The following CNTLN variants were observed in gnomAD, a reference collection of about 807,000 sequenced individuals.
CNTLN encodes the protein centlein.
CNTLN carries 212 observed loss-of-function variants against 180.0 expected under a neutral mutation model. The observed-to-expected ratio is 1.18, with a 90% confidence interval of 1.05 to 1.32. CNTLN has a LOEUF of 1.32. Ranked by LOEUF, CNTLN falls within the 40% of genes most tolerant of loss-of-function variation. The probability of loss-of-function intolerance (pLI) is 0.00; values close to 1 mark genes in which losing one functional copy is unlikely to be tolerated. For missense variants in CNTLN, 2,095 were observed against 1,610.9 expected (o/e 1.30, Z -5.14); for synonymous variants, 722 against 563.1 (o/e 1.28, Z -3.99).
intron 18 of CNTLN, among the ~76,000 whole-genome samples, chr9:17,442,839 A>T (rs568058992): frequency 1.3e-5 from 2 of 152,232 alleles, no homozygotes; most frequent in African/African-American, 4.8e-5. Context: ...AGGGAAGTTT[A>T]TGTACTGTAC....
chr9:17,213,373 A>C (rs1823477376), intron 2 of CNTLN, among the ~76,000 whole-genome samples: 1 of 152,114 alleles, frequency 6.6e-6, no homozygotes, highest in Non-Finnish European at 1.5e-5. Flanking sequence ...GTTTTGAGTG[A>C]GTTTCTTAAT....
chr9:17,298,045 T>G (rs1818072837), intron 6 of CNTLN, 145 bp from the exon 7 acceptor site: 2 of 504,502 alleles, frequency 4.0e-6, no homozygotes, highest in East Asian at 6.8e-5. Context: ...AAATATGTCA[T>G]TATTTCTTTT....
In CNTLN at chr9:17,289,874, A is replaced by G. The variant is rs545477065; in HGVS notation, c.984-8316A>G. ...TTCAGCTCCATCAGCTCCTTTAAGC[A>G]CTTCTCTGTATTGGTTATTCTAGGT... On this transcript the variant is annotated intron_variant, in intron 6 of 25. Coordinates refer to ENST00000380647, the MANE Select transcript of CNTLN (RefSeq NM_017738.4). 2.3e-5 allele frequency among the ~76,000 whole-genome samples: 3 copies of G among 132,656 alleles called. No individual in the cohort carries two copies. In the East Asian group the frequency reaches 6.3e-4, roughly 28 times the overall value. 87.0% of individuals were successfully genotyped at this position (132,656 alleles called of 152,430 possible).
At chr9:17,443,043 CA>C (rs985466556) in intron 18 of CNTLN, among the ~76,000 whole-genome samples, 1 of 151,690 alleles carries the variant, frequency 6.6e-6, no homozygotes, top group Non-Finnish European at 1.5e-5. Flanking sequence ...AGGTGTCTAC[CA>C]AAAACCTGAA....
chr9:17,144,991 G>A (rs1158716239), intron 2 of CNTLN, among the ~76,000 whole-genome samples: 9 of 150,750 alleles, frequency 6.0e-5, no homozygotes, highest in Non-Finnish European at 1.0e-4. Context: ...ACAGGCGCCC[G>A]CCACCGCGCC....
At chr9:17,205,683 G>A (rs1822868988) in intron 2 of CNTLN, among the ~76,000 whole-genome samples, 1 of 152,198 alleles carries the variant, frequency 6.6e-6, no homozygotes, top group Admixed American at 6.5e-5. Flanking sequence ...GTAGCAAATG[G>A]CCTTACTACT....
rs1304554552 is a variant in CNTLN, at chr9:17,233,563, T to C, written c.535-2095T>C. ...GAAAAACACTGCTTGGGAGAAATTC[T>C]TGGTCATGAATATTTGCAGTCATGC... On this transcript the variant is annotated intron_variant, in intron 3 of 25. Transcript: ENST00000380647. Among the ~76,000 whole-genome samples the C allele has an allele frequency of 5.9e-5, 9 of 152,286 alleles. No individual in the cohort carries two copies. The East Asian group carries it at 1.5e-3, about 26-fold the overall frequency.
At chr9:17,385,855 G>T (rs999585235) in intron 13 of CNTLN, among the ~76,000 whole-genome samples, 1 of 152,118 alleles carries the variant, frequency 6.6e-6, no homozygotes, top group Non-Finnish European at 1.5e-5. Context: ...CTTGAGCATG[G>T]TTGGATTTAG....
At chr9:17,214,733 T>G (rs2131998464) in intron 2 of CNTLN, among the ~76,000 whole-genome samples, 1 of 152,344 alleles carries the variant, frequency 6.6e-6, no homozygotes, top group Admixed American at 6.5e-5. Flanking sequence ...GTCATGTATT[T>G]CTTGGAGGCT....
chr9:17,509,274 C>T, the CNTLN span, among the ~76,000 whole-genome samples: 1 of 152,130 alleles, frequency 6.6e-6, no homozygotes, highest in African/African-American at 2.4e-5. Flanking sequence ...GATCAGCCAG[C>T]TACCTGGTGG....
At chr9:17,464,686 C>T in intron 21 of CNTLN, 63 bp downstream of exon 21, 1 of 1,022,994 alleles carries the variant, frequency 9.8e-7, no homozygotes, top group South Asian at 1.9e-5. Flanking sequence ...ACTCTCTTAC[C>T]ACAAACATTT....
chr9:17,233,764 T>C (rs548799052), intron 3 of CNTLN, among the ~76,000 whole-genome samples: 27 of 152,274 alleles, frequency 1.8e-4, no homozygotes, highest in African/African-American at 6.5e-4. Context: ...TGGGAACATA[T>C]GTTGAGCAAA....
chr9:17,198,352 C>T (rs1042856267), intron 2 of CNTLN, among the ~76,000 whole-genome samples: 3 of 146,750 alleles, frequency 2.0e-5, no homozygotes, highest in South Asian at 2.1e-4. Context: ...AATATTGATT[C>T]GTCCAATCCA....
At chr9:17,155,213 G>C (rs1287576311) in intron 2 of CNTLN, among the ~76,000 whole-genome samples, 2 of 152,164 alleles carry the variant, frequency 1.3e-5, no homozygotes. Flanking sequence ...TCACCGCGAG[G>C]GTCCGCAGCT....
At chr9:17,474,718 A>T (rs2134256431) in intron 23 of CNTLN, among the ~76,000 whole-genome samples, 1 of 152,096 alleles carries the variant, frequency 6.6e-6, no homozygotes, top group South Asian at 2.1e-4. Flanking sequence ...AAAATACAAA[A>T]TTAGCCAGGC....
At chr9:17,335,157 A>G (rs1178127237) in intron 10 of CNTLN, among the ~76,000 whole-genome samples, 2 of 152,170 alleles carry the variant, frequency 1.3e-5, no homozygotes, top group Non-Finnish European at 2.9e-5. Context: ...ATCCATCCAT[A>G]TTGGGGTTCA....
At chr9:17,378,059 T>G (rs925836179) in intron 13 of CNTLN, among the ~76,000 whole-genome samples, 3 of 152,226 alleles carry the variant, frequency 2.0e-5, no homozygotes, top group Non-Finnish European at 4.4e-5. Context: ...TTATGTTAGA[T>G]TATTTTTTGT....
chr9:17,439,522 G>A (rs1222680981), intron 18 of CNTLN, among the ~76,000 whole-genome samples: 1 of 152,172 alleles, frequency 6.6e-6, no homozygotes, highest in African/African-American at 2.4e-5. Context: ...AAATAACACA[G>A]ATGGAAACTT....
chr9:17,192,147 T>C (rs1308741575), intron 2 of CNTLN, among the ~76,000 whole-genome samples: 3 of 152,068 alleles, frequency 2.0e-5, no homozygotes, highest in Admixed American at 2.0e-4. Context: ...GCTAATAATA[T>C]ATTGAGTATT....
Sources: gnomAD v4.1 joint callset for allele counts (sites outside exome capture counted in the v4.1 genomes callset) on GRCh38, gnomAD v4.1.1 for gene constraint, MANE v1.5 for transcripts, NCBI Gene and HGNC (gene_info 2026-07-23, HGNC 2026-07-21) for gene names.